CEP72: variants seen among roughly 807,000 people sequenced by gnomAD.
CEP72 encodes the protein centrosomal protein 72, also known as centrosomal protein of 72 kDa.
A neutral mutation model predicts 65.7 loss-of-function variants in CEP72; 78 were observed. The ratio of observed to expected loss-of-function variants is 1.19; its 90% CI spans 0.99 to 1.43. The LOEUF is 1.43. Among genes scored for constraint, CEP72 ranks in the 40% most tolerant of loss-of-function variants. CEP72 has a pLI of 0.00. For missense variants in CEP72, 914 were observed against 832.9 expected, an observed-to-expected ratio of 1.10 and a Z score of -1.20; for synonymous variants, 358 against 351.7, an observed-to-expected ratio of 1.02 and a Z score of -0.20.
At chr5:659,898 C>T (rs1423904465), downstream of CEP72, 7 of 152,376 alleles carry the variant, frequency 4.6e-5, no homozygotes, top group African/African-American at 1.7e-4. Flanking sequence ...ACTTTACCAA[C>T]TTGACACACA....
At chr5:668,026 A>G (rs1221166509), downstream of CEP72, among the ~76,000 whole-genome samples, 7 of 33,808 alleles carry the variant, frequency 2.1e-4, 1 homozygote, top group Admixed American at 3.0e-4. Flanking sequence ...ACAAGCACAC[A>G]GAGAGGGGGC....
the CEP72 span, among the ~76,000 whole-genome samples, chr5:674,718 C>T: frequency 6.6e-6 from 1 of 152,112 alleles, no homozygotes; most frequent in East Asian, 1.9e-4. Flanking sequence ...CTGCAGGAGG[C>T]TGCAGGTTTC....
At chr5:629,034 G>A (rs1297684619) in intron 4 of CEP72, among the ~76,000 whole-genome samples, 1 of 152,256 alleles carries the variant, frequency 6.6e-6, no homozygotes, top group African/African-American at 2.4e-5. Flanking sequence ...AGGCCCCGGG[G>A]AGTGGGACTG....
chr5:634,049 T>C, intron 5 of CEP72, 102 bp downstream of exon 5: 2 of 1,036,000 alleles, frequency 1.9e-6, no homozygotes, highest in Non-Finnish European at 1.4e-6. Context: ...TTGTGGAACT[T>C]ACCTTGAAGG....
chr5:665,288 G>A (rs1739849969), exon 3 of CEP72: 6 of 1,612,790 alleles, frequency 3.7e-6, no homozygotes, highest in South Asian at 1.1e-5. Context: ...TGGGCGACGA[G>A]ATGGCTTTCT....
exon 5 of CEP72, chr5:667,056 AG>A (rs906932748): frequency 2.0e-5 from 3 of 148,388 alleles, no homozygotes; most frequent in African/African-American, 5.3e-5. Flanking sequence ...ACCAAGAGTC[AG>A]GGGACAAATG....
At chr5:660,202 C>CAT (rs1491107685), downstream of CEP72, 1 of 108,718 alleles carries the variant, frequency 9.2e-6, no homozygotes, top group African/African-American at 4.5e-5. Context: ...AAATATATTG[C>CAT]ACATATATAT....
At chr5:673,897 C>T in the CEP72 span, among the ~76,000 whole-genome samples, 347 of 152,370 alleles carry the variant, frequency 2.3e-3, 2 homozygotes, top group African/African-American at 7.8e-3. Context: ...GCCACAGCCA[C>T]CCAGCCCCAC....
At position 640,524 on chromosome 5, in the gene CEP72, C is replaced by T. The variant is rs371974342; in HGVS notation, c.1459C>T (p.Arg487Cys). ...TCTGGAGAGTAAGTCCCTGCAAAGC[C>T]GCCTTGCTGAGCAGCAGCAGCAGCA... ...LALESKSLQS[R>C]LAEQQQQHAR... is the part of the protein sequence containing the mutation. Residue 487 changes from arginine to cysteine, a missense_variant, in exon 9 of 12, where the codon CGC (arginine) becomes TGC (cysteine). Coordinates refer to ENST00000264935, the MANE Select transcript of CEP72 (RefSeq NM_018140.4). 32 of 1,614,060 alleles carry T rather than the reference C, an allele frequency of 2.0e-5. No individual in the cohort carries two copies. The highest frequency in any genetic ancestry group is 3.3e-5 in the Admixed American group (2 of 60,014).
chr5:612,731 C>A, intron 1 of CEP72: 3 of 748,088 alleles, frequency 4.0e-6, no homozygotes, highest in Non-Finnish European at 4.9e-6. Flanking sequence ...AAGAGGGAGC[C>A]GGCCTTGCTG....
chr5:654,167 G>A (rs13188543), downstream of CEP72, among the ~76,000 whole-genome samples: 37,643 of 147,792 alleles, frequency 0.25, 4,831 homozygotes, highest in East Asian at 0.43. Flanking sequence ...TGCTCTGTGC[G>A]CGTGCACTTG....
chr5:665,135 G>T (rs1739840781), intron 2 of CEP72: 1 of 1,612,586 alleles, frequency 6.2e-7, no homozygotes, highest in Admixed American at 1.7e-5. Context: ...GGTCGTAGGT[G>T]CCTGCGTGCT....
chr5:616,017 G>A (rs539784324), intron 1 of CEP72, among the ~76,000 whole-genome samples: 7 of 152,204 alleles, frequency 4.6e-5, no homozygotes, highest in East Asian at 1.9e-4. Context: ...CTTGAGAACC[G>A]TATTAATATT....
At chr5:644,229 C>T in intron 9 of CEP72, 70 bp from the exon 10 acceptor site, 1 of 1,548,600 alleles carries the variant, frequency 6.5e-7, no homozygotes, top group Non-Finnish European at 8.8e-7. Flanking sequence ...TCTCAGGTTT[C>T]AGTTTTACTT....
Position 635,488 on chromosome 5 carries a change from T to C in CEP72, c.808T>C (p.Trp270Arg). ...AGGGTGCTGTCTGGAGAAGATGCCT[T>C]GGAGCCAGCTCTGTGGAGAGCTTCC... ...CRGCCLEKMP[W>R]SQLCGELPPL... Residue 270 changes from tryptophan (W) to arginine (R), a missense_variant, in exon 6 of 12, where the codon TGG becomes CGG. Transcript: ENST00000264935. 1.9e-6 allele frequency: 3 copies of C among 1,614,134 alleles called. No individual in the cohort carries two copies. Among genetic ancestry groups the C allele is most frequent in the South Asian group, 2.2e-5 (2 of 91,082 alleles).
intron 1 of CEP72, 96 bp from the exon 2 acceptor site, chr5:618,894 T>C: frequency 1.1e-6 from 1 of 921,816 alleles, no homozygotes. Flanking sequence ...AGAATCTGTG[T>C]CAGTTTCTAC....
chr5:628,316 G>C (rs1410833745), intron 4 of CEP72, among the ~76,000 whole-genome samples: 1 of 152,260 alleles, frequency 6.6e-6, no homozygotes, highest in Non-Finnish European at 1.5e-5. Context: ...CAGAGGAGGT[G>C]GGGGACGCCC....
At position 633,698 on chromosome 5, in the gene CEP72, TCTC is replaced by T. The variant is rs199861163; in HGVS notation, c.513-68_513-66del. 3.2e-3 allele frequency: 4,671 copies of T among 1,453,810 alleles called. 144 individuals carry two copies. In the Admixed American group the frequency reaches 0.063, roughly 20 times the overall value. 90.1% of individuals were successfully genotyped at this position (1,453,810 alleles called of 1,614,324 possible). A position where few individuals can be genotyped will look rare whatever the true frequency, so the allele number is the denominator to read the frequency against. ...TCAGAGACCGTGCAGGAATTTTCCT[TCTC>T]CTGGTCTGCGTGGGCCGGAGCATAT... On this transcript the variant is annotated intron_variant, in intron 4 of 11. Transcript: ENST00000264935.
chr5:618,161 G>T (rs996247518), intron 1 of CEP72, among the ~76,000 whole-genome samples: 2 of 152,126 alleles, frequency 1.3e-5, no homozygotes, highest in African/African-American at 4.8e-5. Context: ...GGTGTTCCTG[G>T]GGAGAGACGG....
Sources: gnomAD v4.1 joint callset for allele counts (sites outside exome capture counted in the v4.1 genomes callset) on GRCh38, gnomAD v4.1.1 for gene constraint, MANE v1.5 for transcripts, NCBI Gene and HGNC (gene_info 2026-07-23, HGNC 2026-07-21) for gene names.